Variants in PHKA1 observed in about 807,000 individuals in gnomAD.
PHKA1 encodes phosphorylase kinase regulatory subunit alpha 1.
Under a neutral mutation model 110.2 loss-of-function variants are expected in PHKA1, and 60 were observed. That is an observed-to-expected ratio of 0.54 (90% CI 0.44 to 0.68). The LOEUF (loss-of-function observed/expected upper bound fraction) is 0.68, where lower values mean the gene tolerates loss of function less well. Among genes scored for constraint, PHKA1 ranks in the 30% least tolerant of loss-of-function variants. PHKA1 has a pLI of 0.00. For synonymous variants in PHKA1, 316 were observed against 333.6 expected, an observed-to-expected ratio of 0.95 and a Z score of 0.58; for missense variants, 801 against 942.5, an observed-to-expected ratio of 0.85 and a Z score of 1.97.
rs782782790 is a variant in PHKA1, at chrX:72,632,561, C to G, written c.1714+2594G>C. Among the ~76,000 whole-genome samples the G allele has an allele frequency of 3.2e-4, 35 of 111,042 alleles. No homozygotes were observed. The South Asian group carries it at 0.013, about 42-fold the overall frequency. ...TTTTATGATTTTATTTTAGGGATAT[C>G]TATTGTAAATAGCATCCACCTGGAT... On this transcript the variant is annotated intron_variant, in intron 16 of 31. Transcript: ENST00000373542.
chrX:72,647,402 G>T (rs1603263154), intron 13 of PHKA1, among the ~76,000 whole-genome samples: 3 of 111,486 alleles, frequency 2.7e-5, no homozygotes, highest in Non-Finnish European at 5.6e-5. Flanking sequence ...GGAGGGTATA[G>T]CTGAATAATT....
intron 2 of PHKA1, 94 bp downstream of exon 2, chrX:72,712,685 C>T: frequency 1.2e-6 from 1 of 810,667 alleles, no homozygotes; most frequent in East Asian, 3.2e-5. Context: ...GTTCTCTTAG[C>T]TTTTGGTGGG....
intron 29 of PHKA1, among the ~76,000 whole-genome samples, chrX:72,586,517 T>C (rs1216789642): frequency 9.0e-6 from 1 of 111,177 alleles, no homozygotes; most frequent in Non-Finnish European, 1.9e-5. Context: ...CCAGAGCGCC[T>C]CTTCTCCTCC....
intron 12 of PHKA1, among the ~76,000 whole-genome samples, chrX:72,651,461 G>A (rs2053428433): frequency 9.0e-6 from 1 of 111,110 alleles, no homozygotes; most frequent in African/African-American, 3.3e-5. Flanking sequence ...ATTTGAACCC[G>A]GGAGGCGGAG....
chrX:72,704,947 T>G (rs2054258913), intron 3 of PHKA1, among the ~76,000 whole-genome samples: 1 of 111,523 alleles, frequency 9.0e-6, no homozygotes, highest in African/African-American at 3.3e-5. Context: ...CAATTGCATG[T>G]ACAGTAATGA....
intron 3 of PHKA1, among the ~76,000 whole-genome samples, chrX:72,704,534 G>A (rs1215943886): frequency 9.0e-6 from 1 of 110,828 alleles, no homozygotes; most frequent in East Asian, 2.8e-4. Context: ...TTCTAAAGTT[G>A]ATGGCCCCAA....
At chrX:72,710,931 G>A (rs978454752) in intron 2 of PHKA1, among the ~76,000 whole-genome samples, 1 of 104,796 alleles carries the variant, frequency 9.5e-6, no homozygotes. Context: ...GCGCGATCTC[G>A]GCTCACTGCA....
chrX:72,671,620 C>T (rs1434675474), intron 6 of PHKA1, among the ~76,000 whole-genome samples: 11 of 111,414 alleles, frequency 9.9e-5, no homozygotes, highest in African/African-American at 1.6e-4. Flanking sequence ...AAAGAGCCCG[C>T]GTCGCCAAGT....
intron 13 of PHKA1, among the ~76,000 whole-genome samples, chrX:72,649,228 C>T (rs893310655): frequency 8.0e-5 from 9 of 111,917 alleles, no homozygotes; most frequent in Non-Finnish European, 1.5e-4. Flanking sequence ...GATTATTTTC[C>T]ATATAGAACC....
At chrX:72,619,095 G>A in intron 20 of PHKA1, 119 bp downstream of exon 20, 1 of 565,683 alleles carries the variant, frequency 1.8e-6, no homozygotes, top group Non-Finnish European at 3.1e-6. Flanking sequence ...ATCTTCACCA[G>A]AATAGCATTT....
At chrX:72,651,677 A>G (rs2053432053) in intron 12 of PHKA1, among the ~76,000 whole-genome samples, 1 of 112,238 alleles carries the variant, frequency 8.9e-6, no homozygotes, top group Admixed American at 9.4e-5. Flanking sequence ...TAAACAAACC[A>G]TTCTGCCCAC....
intron 8 of PHKA1, among the ~76,000 whole-genome samples, chrX:72,659,016 T>C (rs911400364): frequency 1.8e-5 from 2 of 112,402 alleles, no homozygotes; most frequent in Non-Finnish European, 3.8e-5. Flanking sequence ...AAATAATTGT[T>C]ATTCTTGTGT....
In PHKA1 at chrX:72,580,291, A is replaced by C. The variant is rs1456573653; in HGVS notation, c.*711T>G. 2 of 112,555 alleles carry C rather than the reference A, an allele frequency of 1.8e-5. No homozygotes were observed. The highest frequency in any genetic ancestry group is 3.7e-5 in the Non-Finnish European group (2 of 53,380). 9.3% of individuals were successfully genotyped at this position (112,555 alleles called of 1,213,427 possible). ...AAAATGTGATTTCAAGTGTTAGTTC[A>C]GAAATTCTTAAATATGCATGCTGTA... On this transcript the variant is annotated 3_prime_UTR_variant, in exon 32 of 32. Coordinates refer to ENST00000373542, the MANE Select transcript of PHKA1 (RefSeq NM_002637.4).
rs2147733819 is a variant in PHKA1, at chrX:72,635,306, CAAATAA to C, written c.1570-13_1570-8del. ...ACTGTTGCTGGTCTATAAACTGAGACAAATAAAAATAATAGATTAGATTAATTTACT... is the reference window on the plus strand; with the variant it reads ...ACTGTTGCTGGTCTATAAACTGAGACAAATAATAGATTAGATTAATTTACT... On this transcript the variant is annotated splice_polypyrimidine_tract_variant and splice_region_variant and intron_variant, in intron 15 of 31. Transcript: ENST00000373542. 8.4e-7 allele frequency: 1 copy of C among 1,193,687 alleles called. No individual in the cohort carries two copies. Among genetic ancestry groups the C allele is most frequent in the East Asian group, 3.0e-5 (1 of 33,702 alleles).
intron 12 of PHKA1, among the ~76,000 whole-genome samples, chrX:72,651,866 A>C (rs1254805138): frequency 8.9e-6 from 1 of 112,025 alleles, no homozygotes; most frequent in Non-Finnish European, 1.9e-5. Flanking sequence ...AGCCTGGGTT[A>C]TATCTTATCA....
Position 72,687,977 on chromosome X carries a change from C to A in PHKA1, c.455-3397G>T, listed in dbSNP as rs2053988447. ...GAGTAGCTGGGATTACAGGCACCCACCACCATGCCCGGCTAATTTTTTTGT... is the reference window on the plus strand; with the variant it reads ...GAGTAGCTGGGATTACAGGCACCCAACACCATGCCCGGCTAATTTTTTTGT... On this transcript the variant is annotated intron_variant, in intron 4 of 31. Coordinates refer to ENST00000373542, the MANE Select transcript of PHKA1 (RefSeq NM_002637.4). 5.5e-5 allele frequency among the ~76,000 whole-genome samples: 6 copies of A among 108,743 alleles called. No homozygotes were observed. In the South Asian group the frequency reaches 2.5e-3, roughly 45 times the overall value. 94.4% of individuals were successfully genotyped at this position (108,743 alleles called of 115,157 possible).
intron 28 of PHKA1, among the ~76,000 whole-genome samples, chrX:72,601,203 C>T (rs147312903): frequency 1.1e-4 from 12 of 112,019 alleles, no homozygotes; most frequent in Admixed American, 3.8e-4. Context: ...AGATGTTTCT[C>T]CCTCTGTGTC....
At chrX:72,640,043 C>T (rs1212557975) in intron 14 of PHKA1, among the ~76,000 whole-genome samples, 5 of 111,471 alleles carry the variant, frequency 4.5e-5, no homozygotes, top group Non-Finnish European at 7.5e-5. Context: ...AATATTATAG[C>T]CTAAGACTTA....
At chrX:72,710,232 T>A (rs1556334015) in intron 2 of PHKA1, among the ~76,000 whole-genome samples, 1 of 111,654 alleles carries the variant, frequency 9.0e-6, no homozygotes, top group Non-Finnish European at 1.9e-5. Flanking sequence ...GGTCCACTTA[T>A]ATGTGGCTTT....
Sources: gnomAD v4.1 joint callset for allele counts (sites outside exome capture counted in the v4.1 genomes callset) on GRCh38, gnomAD v4.1.1 for gene constraint, MANE v1.5 for transcripts, NCBI Gene and HGNC (gene_info 2026-07-23, HGNC 2026-07-21) for gene names.